Variants in SP140 observed in about 807,000 individuals in gnomAD.
The protein encoded by SP140 is SP140 nuclear body protein, also known as nuclear body protein SP140.
In SP140, 81 loss-of-function variants were observed where a neutral mutation model predicts 125.0. That is an observed-to-expected ratio of 0.65 (90% CI 0.54 to 0.78). SP140 has a LOEUF of 0.78. Among genes scored for constraint, SP140 ranks in the 30% least tolerant of loss-of-function variants. The pLI, the probability that SP140 is intolerant of heterozygous loss-of-function variation, is 0.00. For synonymous variants in SP140, 312 were observed against 354.0 expected (o/e 0.88, Z 1.33); for missense variants, 858 against 1,037.0 (o/e 0.83, Z 2.37).
intron 24 of SP140, 53 bp from the exon 25 acceptor site, chr2:230,311,101 G>A (rs1183296115): frequency 8.1e-6 from 13 of 1,610,408 alleles, no homozygotes; most frequent in Admixed American, 1.7e-5. Context: ...TCTCATGCAT[G>A]TGGGCTCATT....
intron 1 of SP140, among the ~76,000 whole-genome samples, chr2:230,229,986 C>T (rs934898753): frequency 6.6e-6 from 1 of 151,484 alleles, no homozygotes; most frequent in Non-Finnish European, 1.5e-5. Flanking sequence ...CTCTGTCTTT[C>T]GTATTCTGCA....
chr2:230,287,957 C>T lies in SP140; in HGVS notation c.1711C>T (p.Arg571Ter), dbSNP rs752855399. The T allele has an allele frequency of 6.8e-6, 11 of 1,611,084 alleles. No individual in the cohort carries two copies. Among genetic ancestry groups the T allele is most frequent in the South Asian group, 1.1e-5 (1 of 90,354 alleles). The part of the protein sequence containing the change: ...QSDRAAQKRV[R>*]SRASRKHKDE... ...TGACAGAGCTGCACAGAAAAGAGTC[C>T]GATCAAGAGGTAAAAAAGAAAACAG... The change falls in exon 18 of 27, where the codon CGA becomes TGA. Residue 571 changes from arginine to a stop codon, truncating the protein, a stop_gained. Coordinates refer to ENST00000392045, the MANE Select transcript of SP140 (RefSeq NM_007237.5). LOFTEE classifies it high-confidence loss of function.
At chr2:230,302,794 C>T (rs190706222) in intron 22 of SP140, among the ~76,000 whole-genome samples, 2 of 152,298 alleles carry the variant, frequency 1.3e-5, no homozygotes, top group African/African-American at 4.8e-5. Context: ...ATTAAATAAT[C>T]TTCTCCTGAA....
At chr2:230,277,846 A>G (rs1466217929) in intron 15 of SP140, among the ~76,000 whole-genome samples, 1 of 152,102 alleles carries the variant, frequency 6.6e-6, no homozygotes, top group African/African-American at 2.4e-5. Context: ...GTATATACAG[A>G]ACTGTGTCTT....
the SP140 span, among the ~76,000 whole-genome samples, chr2:230,193,706 G>A: frequency 6.6e-6 from 1 of 152,152 alleles, no homozygotes; most frequent in Non-Finnish European, 1.5e-5. Context: ...AGCTTGTAAG[G>A]TTTCTGCTGA....
intron 15 of SP140, among the ~76,000 whole-genome samples, chr2:230,272,329 C>A (rs1472030143): frequency 6.6e-6 from 1 of 152,138 alleles, no homozygotes; most frequent in Non-Finnish European, 1.5e-5. Flanking sequence ...TACAGGGCTA[C>A]ATTAACTGAT....
chr2:230,195,518 C>T, the SP140 span, among the ~76,000 whole-genome samples: 5 of 151,982 alleles, frequency 3.3e-5, no homozygotes, highest in Admixed American at 6.6e-5. Flanking sequence ...TTAGTAGAGA[C>T]GGGGTTTCAC....
downstream of SP140, among the ~76,000 whole-genome samples, chr2:230,313,501 G>A (rs1172688969): frequency 6.6e-6 from 1 of 152,156 alleles, no homozygotes; most frequent in African/African-American, 2.4e-5. Flanking sequence ...TATGGTGTGC[G>A]GCTACTCTGT....
intron 9 of SP140, among the ~76,000 whole-genome samples, chr2:230,250,080 C>A (rs2050127032): frequency 3.9e-5 from 6 of 152,172 alleles, no homozygotes; most frequent in Admixed American, 2.0e-4. Context: ...AAAGGGAAAC[C>A]AACACCTCCT....
rs577324370 is a variant in SP140 at position 230,213,006 on chromosome 2, T to C, written c.-322-648T>C. ...AAGTAGGATTGGTGTGTCTCTGCTC[T>C]GCCATTCATAGGAAGCACCAACTGG... On this transcript the variant is annotated intron_variant, in intron 1 of 4. Coordinates refer to the SP140 transcript ENST00000456542. 3.7e-6 allele frequency: 6 copies of C among 1,614,046 alleles called. No individual in the cohort carries two copies. The South Asian group carries it at 4.4e-5, about 12-fold the overall frequency.
rs115794723 is a variant in SP140 at position 230,211,895 on chromosome 2, T to G, written c.-322-1759T>G. ...TTTGACAATGCCCAATATCATACCA[T>G]TCTTACGTTTAATGTAATCAAACTC... On this transcript the variant is annotated intron_variant, in intron 1 of 4. Transcript: ENST00000456542. This position sits in a 1 kb window ranked among gnomAD's most constrained non-coding sequence, Gnocchi z 4.2. 8.9e-3 allele frequency among the ~76,000 whole-genome samples: 1,348 copies of G among 152,300 alleles called. 14 individuals are homozygous for G. The highest frequency in any genetic ancestry group is 0.031 in the African/African-American group (1,279 of 41,566).
At chr2:230,213,754 A>G (rs2044761829) in exon 2 of SP140, 1 of 152,726 alleles carries the variant, frequency 6.5e-6, no homozygotes, top group Admixed American at 6.5e-5. Flanking sequence ...CCGGAAGATG[A>G]CTGAAGCTCA....
At position 230,241,448 on chromosome 2, in the gene SP140, T is replaced by C. The variant is rs1490272650; in HGVS notation, c.451T>C (p.Leu151=). The stretch of plus-strand genomic sequence containing the variant: ...TCTCCAAATGAATAATGTAAACGAT[T>C]TAGAAGATAGACCCAGATTACTACC... ...SPLQMNNVND[L]EDRPRLLPYG... The change falls in exon 4 of 27, where the codon TTA becomes CTA. Residue 151 remains leucine, a synonymous_variant. Transcript: ENST00000392045. 1.9e-6 allele frequency: 3 copies of C among 1,595,934 alleles called. No homozygotes were observed. Among genetic ancestry groups the C allele is most frequent in the Admixed American group, 1.7e-5 (1 of 59,960 alleles).
chr2:230,237,771 C>A lies in SP140; in HGVS notation c.238-442C>A, dbSNP rs181720315. On this transcript the variant is annotated intron_variant, in intron 2 of 26. Transcript: ENST00000392045. The surrounding 1 kb of genome is among the most constrained non-coding windows in gnomAD (Gnocchi z 5.4). Reference sequence around the variant, plus strand: ...TTAGCAGTGGATGCCCTTAGGGATACTGAGGACAAGGCTTCTTCTTGTCTT... The same window carrying A: ...TTAGCAGTGGATGCCCTTAGGGATAATGAGGACAAGGCTTCTTCTTGTCTT... Among the ~76,000 whole-genome samples, 1 of 152,254 alleles carries A rather than the reference C, an allele frequency of 6.6e-6. No individual in the cohort carries two copies. Among genetic ancestry groups the A allele is most frequent in the Non-Finnish European group, 1.5e-5 (1 of 68,012 alleles).
upstream of SP140, among the ~76,000 whole-genome samples, chr2:230,224,946 G>A (rs2046152260): frequency 6.6e-6 from 1 of 152,152 alleles, no homozygotes; most frequent in Non-Finnish European, 1.5e-5. Context: ...CTGATATAGT[G>A]TGTTTTTGTA....
intron 3 of SP140, among the ~76,000 whole-genome samples, chr2:230,216,200 T>C (rs145816445): frequency 2.6e-5 from 4 of 152,340 alleles, no homozygotes; most frequent in Non-Finnish European, 4.4e-5. Context: ...AGCCAAGATA[T>C]ATCCATCTAG....
Position 230,292,786 on chromosome 2 carries a change from G to A in SP140, c.1966G>A (p.Glu656Lys), listed in dbSNP as rs2057279083. 2 of 1,614,032 alleles carry A rather than the reference G, an allele frequency of 1.2e-6. No homozygotes were observed. Among genetic ancestry groups the A allele is most frequent in the East Asian group, 4.5e-5 (2 of 44,894 alleles). Residue 656 changes from glutamate (E) to lysine (K), a missense_variant and splice_region_variant, in exon 20 of 27, where the codon GAG becomes AAG. Transcript: ENST00000392045. ...CGGGTGGCCCCTACGATGGCTGATG[G>A]AGGTATTCCAATGACAAGGGGCCAG... ...CGGWPLRWLM[E>K]NGFLPDPPRI...
intron 12 of SP140, among the ~76,000 whole-genome samples, chr2:230,255,771 G>C (rs551012968): frequency 1.4e-4 from 22 of 152,176 alleles, no homozygotes; most frequent in Non-Finnish European, 1.5e-4. Context: ...TATGTGTTCA[G>C]GCAGTCTAGT....
intron 1 of SP140, among the ~76,000 whole-genome samples, chr2:230,206,527 T>C (rs2043819094): frequency 6.8e-6 from 1 of 147,722 alleles, no homozygotes; most frequent in South Asian, 2.2e-4. Flanking sequence ...AGAATACCTT[T>C]ATTTTATTGA....
Sources: gnomAD v4.1 joint callset for allele counts (sites outside exome capture counted in the v4.1 genomes callset) on GRCh38, gnomAD v4.1.1 for gene constraint, Gnocchi (gnomAD v3.1) non-coding constraint, MANE v1.5 for transcripts, NCBI Gene and HGNC (gene_info 2026-07-23, HGNC 2026-07-21) for gene names.